Variants in UBE4B observed in about 807,000 individuals in gnomAD.
UBE4B encodes ubiquitin conjugation factor E4 B.
A neutral mutation model predicts 148.1 loss-of-function variants in UBE4B; 27 were observed. The ratio of observed to expected loss-of-function variants is 0.18; its 90% confidence interval spans 0.13 to 0.25. The LOEUF (loss-of-function observed/expected upper bound fraction) is 0.25, where lower values mean the gene tolerates loss of function less well. UBE4B is among the 10% of genes least tolerant of loss of function. The pLI, the probability that UBE4B is intolerant of heterozygous loss-of-function variation, is 1.00. For missense variants in UBE4B, 1,170 were observed against 1,662.4 expected, an observed-to-expected ratio of 0.70 and a Z score of 5.15; for synonymous variants, 596 against 619.3, an observed-to-expected ratio of 0.96 and a Z score of 0.56.
intron 9 of UBE4B, among the ~76,000 whole-genome samples, chr1:10,121,617 C>G (rs1645412746): frequency 6.6e-6 from 1 of 152,004 alleles, no homozygotes; most frequent in African/African-American, 2.4e-5. Flanking sequence ...TGGTCTTCAA[C>G]TCTGGGCCTC....
chr1:10,099,828 G>A (rs1644981064), intron 3 of UBE4B, among the ~76,000 whole-genome samples: 1 of 152,096 alleles, frequency 6.6e-6, no homozygotes, highest in South Asian at 2.1e-4. Flanking sequence ...ATGAAAATTG[G>A]ACACGTGACA....
chr1:10,154,322 G>A (rs1228992578), intron 21 of UBE4B, among the ~76,000 whole-genome samples: 1 of 152,138 alleles, frequency 6.6e-6, no homozygotes, highest in Non-Finnish European at 1.5e-5. Flanking sequence ...AGAAGCTGAG[G>A]CAGGAGAATA....
chr1:10,081,858 G>A (rs759258636), intron 2 of UBE4B, among the ~76,000 whole-genome samples: 2 of 151,928 alleles, frequency 1.3e-5, no homozygotes, highest in Admixed American at 6.6e-5. Context: ...CAAAGTGCTG[G>A]GATTGCCACC....
chr1:10,069,654 C>G (rs576553661), intron 1 of UBE4B, among the ~76,000 whole-genome samples: 1 of 152,198 alleles, frequency 6.6e-6, no homozygotes, highest in Non-Finnish European at 1.5e-5. Context: ...CCTGCCTCAG[C>G]CTCCCAAGTA....
Position 10,072,358 on chromosome 1 carries a change from T to C in UBE4B, c.211+144T>C, listed in dbSNP as rs1280591847. ...CCTCCAAGCAGTAGTTTAAATATCA[T>C]TGCAATGTGTTGTGTTATCGCTTTT... On this transcript the variant is annotated intron_variant, in intron 2 of 27. Coordinates refer to ENST00000343090, the MANE Select transcript of UBE4B (RefSeq NM_001105562.3). The C allele has an allele frequency of 8.3e-6, 8 of 961,966 alleles. No individual in the cohort carries two copies. The African/African-American group carries it at 1.2e-4, about 14-fold the overall frequency. 59.6% of individuals were successfully genotyped at this position (961,966 alleles called of 1,614,324 possible). A position where few individuals can be genotyped will look rare whatever the true frequency, so the allele number is the denominator to read the frequency against.
chr1:10,053,138 T>TTTTATTTA (rs912338273), intron 1 of UBE4B, among the ~76,000 whole-genome samples: 6 of 151,616 alleles, frequency 4.0e-5, no homozygotes, highest in Non-Finnish European at 8.8e-5. Flanking sequence ...CGTGCATGGC[T>TTTTATTTA]TTTATTTATT....
At chr1:10,053,178 T>G (rs931193424) in intron 1 of UBE4B, among the ~76,000 whole-genome samples, 1 of 152,088 alleles carries the variant, frequency 6.6e-6, no homozygotes, top group Non-Finnish European at 1.5e-5. Flanking sequence ...AGTCGGAGTC[T>G]CTCTCTGTTG....
intron 25 of UBE4B, among the ~76,000 whole-genome samples, chr1:10,177,141 CATTGGATATATGATTTGCAGAT>C (rs1646440694): frequency 6.6e-6 from 1 of 152,086 alleles, no homozygotes; most frequent in South Asian, 2.1e-4. Context: ...ATACATGTAT[CATTGGATATATGATTTGCAGAT>C]ATTCTTGTGT....
chr1:10,125,048 C>T (rs1645470041), intron 10 of UBE4B, among the ~76,000 whole-genome samples: 1 of 152,174 alleles, frequency 6.6e-6, no homozygotes, highest in African/African-American at 2.4e-5. Context: ...ATCTCTTGAA[C>T]CCGAGTGATG....
intron 16 of UBE4B, among the ~76,000 whole-genome samples, chr1:10,136,176 C>T (rs985533819): frequency 6.6e-6 from 1 of 151,968 alleles, no homozygotes; most frequent in South Asian, 2.1e-4. Context: ...GGAACATCAC[C>T]AAAGATTGTT....
intron 20 of UBE4B, among the ~76,000 whole-genome samples, chr1:10,150,378 TA>T (rs989685303): frequency 1.8e-4 from 28 of 152,198 alleles, no homozygotes; most frequent in African/African-American, 6.8e-4. Flanking sequence ...AAAAGACACC[TA>T]TTTGAAAAAT....
intron 1 of UBE4B, among the ~76,000 whole-genome samples, chr1:10,053,297 C>G (rs1210782840): frequency 6.6e-6 from 1 of 151,702 alleles, no homozygotes; most frequent in Non-Finnish European, 1.5e-5. Flanking sequence ...TACAGGCATG[C>G]ACCACCATGC....
At chr1:10,096,345 C>G (rs1343700443) in intron 3 of UBE4B, among the ~76,000 whole-genome samples, 10 of 152,024 alleles carry the variant, frequency 6.6e-5, no homozygotes, top group Non-Finnish European at 1.3e-4. Context: ...GGTATTGACT[C>G]CTTTCATGGT....
intron 16 of UBE4B, among the ~76,000 whole-genome samples, chr1:10,136,482 T>TAAA (rs35569014): frequency 0.017 from 2,157 of 123,838 alleles, 27 homozygotes; most frequent in Non-Finnish European, 0.029. Flanking sequence ...AAGACCCTCT[T>TAAA]AAAAAAAAAA....
chr1:10,098,787 A>C (rs114958195), intron 3 of UBE4B, among the ~76,000 whole-genome samples: 2,622 of 152,306 alleles, frequency 0.017, 34 homozygotes, highest in Non-Finnish European at 0.027. Context: ...AAAAAACTAC[A>C]GCAACTCTCC....
At chr1:10,048,416 G>A (rs1643959232) in intron 1 of UBE4B, among the ~76,000 whole-genome samples, 1 of 152,136 alleles carries the variant, frequency 6.6e-6, no homozygotes, top group Non-Finnish European at 1.5e-5. Context: ...AGTTGTCATT[G>A]TATTTAAAAT....
chr1:10,155,132 A>G (rs1000730829), intron 21 of UBE4B, among the ~76,000 whole-genome samples: 6 of 151,660 alleles, frequency 4.0e-5, no homozygotes, highest in Admixed American at 3.9e-4. Flanking sequence ...TGTTTACACA[A>G]CAGAACTGGG....
At chr1:10,179,211 G>A in intron 26 of UBE4B, 5 of 603,192 alleles carry the variant, frequency 8.3e-6, no homozygotes, top group Non-Finnish European at 1.4e-5. Flanking sequence ...CCCAGCAGTA[G>A]CTGACAAAGA....
intron 2 of UBE4B, among the ~76,000 whole-genome samples, chr1:10,076,314 G>A (rs1345604416): frequency 2.1e-5 from 3 of 145,160 alleles, no homozygotes; most frequent in African/African-American, 7.7e-5. Flanking sequence ...ACGTGATCTT[G>A]GCTCACTGTA....
Sources: gnomAD v4.1 joint callset for allele counts (sites outside exome capture counted in the v4.1 genomes callset) on GRCh38, gnomAD v4.1.1 for gene constraint, MANE v1.5 for transcripts, NCBI Gene and HGNC (gene_info 2026-07-23, HGNC 2026-07-21) for gene names.